INVS: variants seen among roughly 807,000 people sequenced by gnomAD.
INVS encodes the protein inversion of embryo turning homolog.
A neutral mutation model predicts 108.8 loss-of-function variants in INVS; 86 were observed. That is an observed-to-expected ratio of 0.79 (90% CI 0.66 to 0.95). The LOEUF is 0.95. INVS is among the 40% of genes least tolerant of loss of function. The probability of loss-of-function intolerance (pLI) is 0.00; values close to 1 mark genes in which losing one functional copy is unlikely to be tolerated. For missense variants in INVS, 1,169 were observed against 1,297.4 expected (o/e 0.90, Z 1.52); for synonymous variants, 455 against 473.5 (o/e 0.96, Z 0.51).
chr9:100,210,990 C>T (rs1025894308), intron 3 of INVS, among the ~76,000 whole-genome samples: 4 of 151,784 alleles, frequency 2.6e-5, no homozygotes, highest in African/African-American at 9.7e-5. Flanking sequence ...GATTCTAGAC[C>T]AGCAGCAGCA....
intron 3 of INVS, among the ~76,000 whole-genome samples, chr9:100,155,678 T>A (rs1384168391): frequency 1.3e-5 from 2 of 152,210 alleles, no homozygotes; most frequent in Non-Finnish European, 2.9e-5. Flanking sequence ...TCTGCAGTCC[T>A]GGTAGGAAAC....
chr9:100,176,663 A>G (rs1005060392), intron 3 of INVS, among the ~76,000 whole-genome samples: 1 of 151,886 alleles, frequency 6.6e-6, no homozygotes, highest in African/African-American at 2.4e-5. Flanking sequence ...TTTTTAATAG[A>G]CACTGGGTTT....
chr9:100,159,155 T>G (rs569297234), intron 3 of INVS, among the ~76,000 whole-genome samples: 1 of 152,286 alleles, frequency 6.6e-6, no homozygotes, highest in South Asian at 2.1e-4. Context: ...TAAGACAATC[T>G]ACAAAGAATT....
At chr9:100,173,055 A>T (rs551063536) in intron 3 of INVS, among the ~76,000 whole-genome samples, 10 of 152,324 alleles carry the variant, frequency 6.6e-5, no homozygotes, top group African/African-American at 2.2e-4. Context: ...GATGATTGAG[A>T]TGGCCTAAGT....
At chr9:100,146,550 G>A (rs1263237774) in intron 3 of INVS, among the ~76,000 whole-genome samples, 1 of 152,074 alleles carries the variant, frequency 6.6e-6, no homozygotes, top group Non-Finnish European at 1.5e-5. Context: ...TTTCACTTAG[G>A]ATAATGTTTT....
chr9:100,243,184 G>A (rs1004494320), intron 7 of INVS, among the ~76,000 whole-genome samples: 4 of 152,086 alleles, frequency 2.6e-5, no homozygotes, highest in South Asian at 2.1e-4. Context: ...GTTCAGCCAC[G>A]TGTAATTGTC....
rs538772058 is a variant in INVS at position 100,140,198 on chromosome 9, A to G, written c.273+13649A>G. Among the ~76,000 whole-genome samples, 166 of 152,344 alleles carry G rather than the reference A, an allele frequency of 1.1e-3. 1 individual carries two copies. The highest frequency in any genetic ancestry group is 1.9e-3 in the Non-Finnish European group (129 of 68,038). ...ACCTTTGTTTCATGCACGTCTGTGT[A>G]AAGAGACCACCAAACAGGCTTTGTG... is the stretch of plus-strand genomic sequence containing the variant. On this transcript the variant is annotated intron_variant, in intron 3 of 16. Coordinates refer to ENST00000262457, the MANE Select transcript of INVS (RefSeq NM_014425.5).
In INVS at chr9:100,126,403, AAAG is replaced by A; in HGVS notation, c.132_134del (p.Glu44del). 6.2e-7 allele frequency: 1 copy of A among 1,614,000 alleles called. No homozygotes were observed. Among genetic ancestry groups the A allele is most frequent in the Non-Finnish European group, 8.5e-7 (1 of 1,179,834 alleles). On this transcript the variant is annotated inframe_deletion, in exon 3 of 17. Transcript: ENST00000262457. The stretch of plus-strand genomic sequence containing the variant: ...TATAGGAAACTCTGCTCTTAAAGAC[AAAG>A]AAGATCAGTTTGGGAGAACACCACT...
intron 3 of INVS, chr9:100,175,099 C>A: frequency 3.9e-6 from 1 of 254,620 alleles, no homozygotes. Context: ...CTGACATCTT[C>A]CAGAAAAACA....
intron 9 of INVS, 59 bp downstream of exon 9, chr9:100,252,497 C>T (rs1415396344): frequency 6.1e-6 from 9 of 1,479,712 alleles, no homozygotes; most frequent in African/African-American, 2.8e-5. Flanking sequence ...TTCTTGCATA[C>T]TCTGTTTAAG....
At chr9:100,102,878 A>C (rs1481096397) in intron 1 of INVS, 1 of 151,982 alleles carries the variant, frequency 6.6e-6, no homozygotes, top group Non-Finnish European at 1.5e-5. Context: ...TTTCAGATGG[A>C]GTCTTACTCT....
At chr9:100,190,289 T>A (rs1269990085) in intron 3 of INVS, among the ~76,000 whole-genome samples, 1 of 152,166 alleles carries the variant, frequency 6.6e-6, no homozygotes, top group Admixed American at 6.5e-5. Context: ...GTTAAGTGAG[T>A]CTCTTGAATA....
chr9:100,277,067 T>A (rs1833135751), intron 12 of INVS, among the ~76,000 whole-genome samples: 1 of 152,184 alleles, frequency 6.6e-6, no homozygotes, highest in African/African-American at 2.4e-5. Flanking sequence ...CTTAAGTCCC[T>A]TCTACGAGAG....
At chr9:100,290,603 C>T (rs187845818) in intron 13 of INVS, among the ~76,000 whole-genome samples, 189 of 152,336 alleles carry the variant, frequency 1.2e-3, no homozygotes, top group African/African-American at 4.4e-3. Flanking sequence ...CTGCCCACCT[C>T]GGCCTCCCAA....
At chr9:100,272,582 A>G (rs754787516) in intron 11 of INVS, among the ~76,000 whole-genome samples, 3 of 152,194 alleles carry the variant, frequency 2.0e-5, no homozygotes, top group African/African-American at 4.8e-5. Context: ...AGAAGTGATC[A>G]TGTCTTTCCA....
chr9:100,250,661 CT>C (rs1324458428), intron 8 of INVS, among the ~76,000 whole-genome samples: 1 of 152,192 alleles, frequency 6.6e-6, no homozygotes, highest in Non-Finnish European at 1.5e-5. Context: ...TTCTCTTCAT[CT>C]CCATTGCAAC....
At chr9:100,099,578 T>G (rs1329307634) in intron 1 of INVS, among the ~76,000 whole-genome samples, 162 bp downstream of exon 1, 1 of 152,190 alleles carries the variant, frequency 6.6e-6, no homozygotes, top group Non-Finnish European at 1.5e-5. Flanking sequence ...ATTCCTGCAT[T>G]ATAAAGTCAG....
At chr9:100,112,276 G>T (rs1156327253) in intron 2 of INVS, among the ~76,000 whole-genome samples, 1 of 152,154 alleles carries the variant, frequency 6.6e-6, no homozygotes, top group Non-Finnish European at 1.5e-5. Context: ...CCAGCCGGGG[G>T]ATATATACTT....
chr9:100,111,741 G>A (rs561738083), intron 2 of INVS, among the ~76,000 whole-genome samples: 64 of 152,284 alleles, frequency 4.2e-4, no homozygotes, highest in African/African-American at 1.3e-3. Flanking sequence ...CAAACAAGTT[G>A]CGGTGTAGAT....
Sources: allele counts gnomAD v4.1 joint callset (sites outside exome capture counted in the v4.1 genomes callset), GRCh38; gene constraint gnomAD v4.1.1; transcripts MANE v1.5; gene names NCBI Gene and HGNC (gene_info 2026-07-23, HGNC 2026-07-21).